DPP10: variants seen among roughly 807,000 people sequenced by gnomAD.
DPP10 encodes the protein dipeptidyl peptidase like 10.
DPP10 carries 33 observed loss-of-function variants against 120.9 expected under a neutral mutation model. The ratio of observed to expected loss-of-function variants is 0.27; its 90% CI spans 0.21 to 0.37. The LOEUF (loss-of-function observed/expected upper bound fraction) is 0.37, where lower values mean the gene tolerates loss of function less well. DPP10 is among the 10% of genes least tolerant of loss of function. The probability of loss-of-function intolerance (pLI) is 1.00; values close to 1 mark genes in which losing one functional copy is unlikely to be tolerated. For missense variants in DPP10, 816 were observed against 942.8 expected (o/e 0.87, Z 1.76); for synonymous variants, 337 against 326.1 (o/e 1.03, Z -0.36).
At chr2:115,332,728 A>T (rs2062832867) in intron 2 of DPP10, among the ~76,000 whole-genome samples, 1 of 152,096 alleles carries the variant, frequency 6.6e-6, no homozygotes, top group Non-Finnish European at 1.5e-5. Flanking sequence ...CATGTAGTTG[A>T]GCAGTTTTGA....
At chr2:115,693,084 T>G (rs1488137684) in intron 7 of DPP10, among the ~76,000 whole-genome samples, 3 of 152,198 alleles carry the variant, frequency 2.0e-5, no homozygotes, top group Non-Finnish European at 4.4e-5. Flanking sequence ...ATGAAAAATG[T>G]CTGCAATTGT....
intron 1 of DPP10, among the ~76,000 whole-genome samples, chr2:114,589,668 T>A (rs1053497994): frequency 3.9e-5 from 6 of 152,216 alleles, no homozygotes; most frequent in Non-Finnish European, 8.8e-5. Context: ...ATACATTGAA[T>A]AATTATCTTC....
At chr2:115,180,224 A>G (rs2053982784) in intron 1 of DPP10, among the ~76,000 whole-genome samples, 1 of 152,182 alleles carries the variant, frequency 6.6e-6, no homozygotes, top group South Asian at 2.1e-4. Context: ...GGAGAGGTAC[A>G]CTGATAGAAA....
intron 1 of DPP10, among the ~76,000 whole-genome samples, chr2:114,622,422 CT>C (rs1694169105): frequency 7.5e-6 from 1 of 132,796 alleles, no homozygotes; most frequent in Non-Finnish European, 1.6e-5. Context: ...TTTTTTTTTG[CT>C]TTTTGCATTA....
chr2:114,836,686 G>A (rs1052242185), intron 1 of DPP10, among the ~76,000 whole-genome samples: 6 of 152,030 alleles, frequency 3.9e-5, no homozygotes, highest in Admixed American at 1.3e-4. Context: ...GCAGACAACC[G>A]GTCTGACCAA....
At chr2:115,361,992 GTTTGTGTGTGTATGTTTTGTGTGTATGTT>G (rs1199751917) in intron 3 of DPP10, among the ~76,000 whole-genome samples, 1 of 80,184 alleles carries the variant, frequency 1.2e-5, no homozygotes, top group Non-Finnish European at 3.0e-5. Flanking sequence ...GTGTGTGTAT[GTTTGTGTGTGTATGTTTTGTGTGTATGTT>G]TTTGTGTGTA....
At chr2:114,781,248 C>T (rs185809314) in intron 1 of DPP10, among the ~76,000 whole-genome samples, 67 of 152,226 alleles carry the variant, frequency 4.4e-4, no homozygotes, top group African/African-American at 1.5e-3. Context: ...TTTTCTAAAT[C>T]CTCGTGATCA....
intron 3 of DPP10, among the ~76,000 whole-genome samples, chr2:115,383,081 G>A (rs1355310768): frequency 1.3e-5 from 2 of 152,138 alleles, no homozygotes; most frequent in African/African-American, 2.4e-5. Flanking sequence ...AAAGATAATG[G>A]GTTACAGTTT....
chr2:114,465,425 G>A (rs1679279990), intron 1 of DPP10, among the ~76,000 whole-genome samples: 2 of 152,032 alleles, frequency 1.3e-5, no homozygotes, highest in South Asian at 4.1e-4. Flanking sequence ...TTTTCGAGGA[G>A]CTTTTCTATT....
chr2:115,291,715 G>C (rs989443061), intron 1 of DPP10, among the ~76,000 whole-genome samples: 16 of 152,046 alleles, frequency 1.1e-4, no homozygotes, highest in African/African-American at 3.9e-4. Context: ...ATATATCCAT[G>C]AGCTTTTCAG....
chr2:114,604,049 A>G (rs1692590282), intron 1 of DPP10, among the ~76,000 whole-genome samples: 1 of 152,020 alleles, frequency 6.6e-6, no homozygotes, highest in Non-Finnish European at 1.5e-5. Flanking sequence ...GGATTGCTTA[A>G]TTTCTTCAGC....
chr2:114,943,585 T>C (rs1409684749), intron 1 of DPP10, among the ~76,000 whole-genome samples: 1 of 152,214 alleles, frequency 6.6e-6, no homozygotes, highest in East Asian at 1.9e-4. Flanking sequence ...TGCCACATTT[T>C]CTTTATCCAG....
chr2:114,753,908 C>CAAAAAAAAAAAAAAA (rs777798352), intron 1 of DPP10, among the ~76,000 whole-genome samples: 2 of 33,766 alleles, frequency 5.9e-5, no homozygotes, highest in Non-Finnish European at 1.3e-4. Flanking sequence ...GACTCCTTCT[C>CAAAAAAAAAAAAAAA]AAAAAAAAAA....
intron 3 of DPP10, among the ~76,000 whole-genome samples, chr2:115,383,922 T>TCCAAAGAA (rs2066642090): frequency 6.6e-6 from 1 of 152,098 alleles, no homozygotes; most frequent in Non-Finnish European, 1.5e-5. Flanking sequence ...AAAAACTTAA[T>TCCAAAGAA]CCAAAGAAAC....
intron 5 of DPP10, among the ~76,000 whole-genome samples, chr2:115,554,819 T>TA (rs911619322): frequency 3.3e-5 from 5 of 152,102 alleles, no homozygotes; most frequent in Non-Finnish European, 7.4e-5. Context: ...ATCATATCAC[T>TA]AAAAATATAC....
chr2:115,350,478 T>G (rs2106298487), intron 3 of DPP10, among the ~76,000 whole-genome samples: 1 of 152,246 alleles, frequency 6.6e-6, no homozygotes, highest in South Asian at 2.1e-4. Context: ...AACTTTTGTT[T>G]GAAATTCAAA....
intron 7 of DPP10, among the ~76,000 whole-genome samples, chr2:115,721,032 T>C (rs916676872): frequency 5.3e-5 from 8 of 152,120 alleles, no homozygotes; most frequent in Non-Finnish European, 1.2e-4. Flanking sequence ...CAACCAGTGC[T>C]AAAAAGAGCC....
At chr2:115,695,564 A>G (rs1457714161) in intron 7 of DPP10, among the ~76,000 whole-genome samples, 1 of 152,130 alleles carries the variant, frequency 6.6e-6, no homozygotes, top group Non-Finnish European at 1.5e-5. Context: ...CTTATTCACT[A>G]TCATGAGAAC....
chr2:115,093,868 A>G (rs1261713744), intron 1 of DPP10, among the ~76,000 whole-genome samples: 6 of 152,138 alleles, frequency 3.9e-5, no homozygotes, highest in African/African-American at 1.4e-4. Context: ...GTGTAGGCAC[A>G]TGTGTGAACC....
Sources: allele counts gnomAD v4.1 joint callset (sites outside exome capture counted in the v4.1 genomes callset), GRCh38; gene constraint gnomAD v4.1.1; transcripts MANE v1.5; gene names NCBI Gene and HGNC (gene_info 2026-07-23, HGNC 2026-07-21).